The following MAGI2 variants were observed in gnomAD, a reference collection of about 807,000 sequenced individuals.
The protein encoded by MAGI2 is membrane associated guanylate kinase, WW and PDZ domain containing 2.
A neutral mutation model predicts 133.3 loss-of-function variants in MAGI2; 35 were observed. The observed-to-expected ratio is 0.26, with a 90% CI of 0.20 to 0.35. The LOEUF is 0.35. Among genes scored for constraint, MAGI2 ranks in the 10% least tolerant of loss-of-function variants. The pLI, the probability that MAGI2 is intolerant of heterozygous loss-of-function variation, is 1.00. For synonymous variants in MAGI2, 729 were observed against 710.6 expected (o/e 1.03, Z -0.41); for missense variants, 1,636 against 1,863.4 (o/e 0.88, Z 2.25).
chr7:79,241,921 C>A (rs1832446180), intron 1 of MAGI2, among the ~76,000 whole-genome samples: 1 of 152,158 alleles, frequency 6.6e-6, no homozygotes, highest in Admixed American at 6.5e-5. Flanking sequence ...GGATAGTTTT[C>A]CCTATGATTT....
At chr7:79,080,224 G>A (rs990851073) in intron 1 of MAGI2, among the ~76,000 whole-genome samples, 44 of 151,774 alleles carry the variant, frequency 2.9e-4, no homozygotes, top group Admixed American at 7.2e-4. Flanking sequence ...TAAAAGACTC[G>A]GTATTAATGA....
At chr7:78,604,890 G>A (rs1183492664) in intron 3 of MAGI2, among the ~76,000 whole-genome samples, 2 of 152,198 alleles carry the variant, frequency 1.3e-5, no homozygotes, top group Non-Finnish European at 1.5e-5. Flanking sequence ...AATTATGAGT[G>A]TGGATAATCT....
At position 78,044,678 on chromosome 7, in the gene MAGI2, CGT is replaced by C. The variant is rs58076536; in HGVS notation, c.3707-24704_3707-24703del. Among the ~76,000 whole-genome samples, 1,206 of 126,370 alleles carry C rather than the reference CGT, an allele frequency of 9.5e-3. 8 individuals carry two copies. Among genetic ancestry groups the C allele is most frequent in the African/African-American group, 0.022 (604 of 28,070 alleles). The allele number at this position is 126,370 out of a possible 152,430, so 82.9% of individuals were successfully genotyped here. A position where few individuals can be genotyped will look rare whatever the true frequency, so the allele number is the denominator to read the frequency against. ...TCAGTGCCTTGTGAGGCTAATGTACCGTGTGTGTGTGTGTGTGTGTGTGTGTG... is the reference window on the plus strand; with the variant it reads ...TCAGTGCCTTGTGAGGCTAATGTACCGTGTGTGTGTGTGTGTGTGTGTGTG... On this transcript the variant is annotated intron_variant, in intron 21 of 21. Transcript: ENST00000354212.
intron 2 of MAGI2, among the ~76,000 whole-genome samples, chr7:78,822,922 A>G (rs111401634): frequency 1.3e-5 from 2 of 152,324 alleles, no homozygotes; most frequent in African/African-American, 4.8e-5. Flanking sequence ...TTCAACTACA[A>G]TAAACTATGG....
intron 6 of MAGI2, among the ~76,000 whole-genome samples, chr7:78,459,222 T>G (rs1789693710): frequency 1.3e-5 from 2 of 152,214 alleles, no homozygotes; most frequent in African/African-American, 4.8e-5. Context: ...TTGAATATAA[T>G]CAATATAAAA....
chr7:78,054,101 C>G (rs991360029), intron 21 of MAGI2, among the ~76,000 whole-genome samples: 2 of 152,122 alleles, frequency 1.3e-5, no homozygotes, highest in African/African-American at 4.8e-5. Flanking sequence ...AATGGACTCA[C>G]TTTACACAGC....
chr7:78,167,449 G>A (rs971167568), intron 15 of MAGI2, among the ~76,000 whole-genome samples: 1 of 152,146 alleles, frequency 6.6e-6, no homozygotes, highest in Non-Finnish European at 1.5e-5. Context: ...AGGTACAGCT[G>A]TATTTTTTCT....
intron 1 of MAGI2, among the ~76,000 whole-genome samples, chr7:79,281,264 T>G (rs1835619790): frequency 1.3e-5 from 2 of 152,174 alleles, no homozygotes; most frequent in Non-Finnish European, 2.9e-5. Flanking sequence ...GGCTGGATAT[T>G]CATAATGCAG....
intron 3 of MAGI2, among the ~76,000 whole-genome samples, chr7:78,609,376 C>G (rs189254353): frequency 6.6e-6 from 1 of 152,136 alleles, no homozygotes; most frequent in African/African-American, 2.4e-5. Flanking sequence ...ATGCTTCATA[C>G]AACAGGAAAC....
At chr7:79,349,374 C>G (rs1841539185) in intron 1 of MAGI2, among the ~76,000 whole-genome samples, 1 of 151,690 alleles carries the variant, frequency 6.6e-6, no homozygotes, top group Non-Finnish European at 1.5e-5. Flanking sequence ...GCTTTGTAAC[C>G]CTGGACAAGT....
At chr7:78,715,065 A>T (rs1819572937) in intron 2 of MAGI2, among the ~76,000 whole-genome samples, 1 of 152,172 alleles carries the variant, frequency 6.6e-6, no homozygotes, top group Non-Finnish European at 1.5e-5. Context: ...TCCTGTGTTT[A>T]GCATTGGCAC....
At chr7:78,928,570 G>A (rs935525340) in intron 2 of MAGI2, among the ~76,000 whole-genome samples, 2 of 152,028 alleles carry the variant, frequency 1.3e-5, no homozygotes, top group Non-Finnish European at 2.9e-5. Context: ...AAAGATGCTT[G>A]TACTTCTCAG....
At chr7:78,980,582 T>C (rs149849462) in intron 2 of MAGI2, among the ~76,000 whole-genome samples, 9 of 151,982 alleles carry the variant, frequency 5.9e-5, no homozygotes, top group East Asian at 1.9e-4. Context: ...TGTAAATACC[T>C]AGTGTTTAAT....
At chr7:78,776,556 T>C (rs1055459980) in intron 2 of MAGI2, among the ~76,000 whole-genome samples, 1 of 152,232 alleles carries the variant, frequency 6.6e-6, no homozygotes, top group Non-Finnish European at 1.5e-5. Flanking sequence ...TATAAACAAG[T>C]CTTTTTTCCA....
intron 5 of MAGI2, among the ~76,000 whole-genome samples, chr7:78,498,025 C>T (rs1794281571): frequency 6.6e-6 from 1 of 152,024 alleles, no homozygotes; most frequent in Non-Finnish European, 1.5e-5. Flanking sequence ...GTTTACCTTC[C>T]TCTTACGGTA....
intron 1 of MAGI2, among the ~76,000 whole-genome samples, chr7:79,451,315 T>C (rs935885071): frequency 5.9e-5 from 9 of 152,176 alleles, no homozygotes; most frequent in African/African-American, 2.2e-4. Flanking sequence ...AAAACCATGG[T>C]CATTAGTTGT....
chr7:79,027,117 A>C (rs1809970902), intron 1 of MAGI2, among the ~76,000 whole-genome samples: 1 of 152,010 alleles, frequency 6.6e-6, no homozygotes, highest in African/African-American at 2.4e-5. Context: ...AAATTAGTAC[A>C]GCTGTTATGA....
chr7:78,565,119 A>G (rs906180553), intron 3 of MAGI2, among the ~76,000 whole-genome samples: 1 of 151,760 alleles, frequency 6.6e-6, no homozygotes, highest in African/African-American at 2.4e-5. Context: ...TTCAACAATA[A>G]AATGGTTATG....
At chr7:78,283,638 C>A (rs1290936920) in intron 9 of MAGI2, among the ~76,000 whole-genome samples, 2 of 152,010 alleles carry the variant, frequency 1.3e-5, no homozygotes, top group Non-Finnish European at 2.9e-5. Flanking sequence ...GAAATATTCT[C>A]AATTTTTCAT....
Sources: allele counts gnomAD v4.1 joint callset (sites outside exome capture counted in the v4.1 genomes callset), GRCh38; gene constraint gnomAD v4.1.1; transcripts MANE v1.5; gene names NCBI Gene and HGNC (gene_info 2026-07-23, HGNC 2026-07-21).